LIPJ: variants seen among roughly 807,000 people sequenced by gnomAD.
LIPJ encodes the protein lipase family member J.
LIPJ carries 33 observed loss-of-function variants against 39.8 expected under a neutral mutation model. The observed-to-expected ratio is 0.83, with a 90% CI of 0.63 to 1.11. LIPJ has a LOEUF of 1.11. LIPJ is among the 50% of genes least tolerant of loss of function. The probability of loss-of-function intolerance (pLI) is 0.00; values close to 1 mark genes in which losing one functional copy is unlikely to be tolerated. For synonymous variants in LIPJ, 128 were observed against 139.2 expected (o/e 0.92, Z 0.57); for missense variants, 422 against 427.9 (o/e 0.99, Z 0.12).
At chr10:88,583,346 G>A, upstream of LIPJ, 1 of 1,403,916 alleles carries the variant, frequency 7.1e-7, no homozygotes, top group Non-Finnish European at 9.2e-7. Context: ...GCCTGCAGGG[G>A]GCGGAAAGGA....
chr10:88,594,463 T>C (rs1218868262), intron 5 of LIPJ, among the ~76,000 whole-genome samples: 2 of 151,884 alleles, frequency 1.3e-5, no homozygotes, highest in African/African-American at 4.8e-5. Context: ...AAACACCCTC[T>C]TTATAAGACT....
chr10:88,583,509 C>G, upstream of LIPJ: 1 of 1,194,508 alleles, frequency 8.4e-7, no homozygotes, highest in Non-Finnish European at 1.0e-6. Context: ...TGGGAGAACC[C>G]GCCTCGCAAC....
At chr10:88,619,899 T>C in the LIPJ span, among the ~76,000 whole-genome samples, 1 of 151,908 alleles carries the variant, frequency 6.6e-6, no homozygotes, top group Non-Finnish European at 1.5e-5. Flanking sequence ...AAAGAAAGGA[T>C]AAATTAGATT....
upstream of LIPJ, chr10:88,583,062 A>G (rs1267631353): frequency 5.0e-6 from 8 of 1,608,136 alleles, no homozygotes; most frequent in South Asian, 1.1e-5. Flanking sequence ...TTTGGCGTTT[A>G]GACAACCCAC....
At chr10:88,616,357 C>T in the LIPJ span, among the ~76,000 whole-genome samples, 1 of 152,302 alleles carries the variant, frequency 6.6e-6, no homozygotes, top group Admixed American at 6.5e-5. Context: ...CATAAAAGTC[C>T]CTGGCCTGCG....
At chr10:88,585,971 A>G (rs1850899398), upstream of LIPJ, among the ~76,000 whole-genome samples, 1 of 152,178 alleles carries the variant, frequency 6.6e-6, no homozygotes, top group South Asian at 2.1e-4. Flanking sequence ...CTTTCGCTAA[A>G]CTGAATATCT....
At chr10:88,601,736 G>A (rs1262682923) in intron 8 of LIPJ, among the ~76,000 whole-genome samples, 1 of 152,004 alleles carries the variant, frequency 6.6e-6, no homozygotes, top group Non-Finnish European at 1.5e-5. Context: ...ATATTTGTGA[G>A]GCTTCTTAAA....
chr10:88,604,951 C>T (rs1482847113), intron 9 of LIPJ, among the ~76,000 whole-genome samples: 2 of 152,050 alleles, frequency 1.3e-5, no homozygotes, highest in Non-Finnish European at 2.9e-5. Flanking sequence ...AAAAGATTAA[C>T]AGGTCAGGTG....
intron 10 of LIPJ, among the ~76,000 whole-genome samples, chr10:88,605,938 G>A (rs1290594234): frequency 6.6e-6 from 1 of 152,112 alleles, no homozygotes; most frequent in Non-Finnish European, 1.5e-5. Flanking sequence ...AAATTGACAG[G>A]CAGTAGAAGA....
intron 8 of LIPJ, among the ~76,000 whole-genome samples, chr10:88,600,780 A>G (rs1851446534): frequency 6.6e-6 from 1 of 152,076 alleles, no homozygotes; most frequent in South Asian, 2.1e-4. Flanking sequence ...TGTATAATGA[A>G]CAGAAATGTA....
At chr10:88,595,452 C>A (rs138685709) in intron 6 of LIPJ, among the ~76,000 whole-genome samples, 4 of 151,698 alleles carry the variant, frequency 2.6e-5, no homozygotes, top group African/African-American at 9.6e-5. Flanking sequence ...TAGAAATAAT[C>A]CACTTCCTAT....
chr10:88,607,015 G>GT, downstream of LIPJ: 10 of 1,246,718 alleles, frequency 8.0e-6, no homozygotes, highest in Middle Eastern at 6.0e-4. Context: ...TAAATATGTA[G>GT]TTTTTTCCTC....
intron 6 of LIPJ, 139 bp downstream of exon 6, chr10:88,594,915 C>T (rs1851206846): frequency 2.6e-6 from 1 of 380,692 alleles, no homozygotes; most frequent in South Asian, 1.0e-4. Context: ...AGCAGAATGC[C>T]CTGGAATCTT....
At chr10:88,614,136 G>A in the LIPJ span, among the ~76,000 whole-genome samples, 1 of 151,602 alleles carries the variant, frequency 6.6e-6, no homozygotes, top group Non-Finnish European at 1.5e-5. Context: ...ACGATAATTG[G>A]TTATTTGATG....
At chr10:88,596,628 C>G (rs1417965001) in intron 7 of LIPJ, among the ~76,000 whole-genome samples, 162 bp from the exon 8 acceptor site, 2 of 151,568 alleles carry the variant, frequency 1.3e-5, no homozygotes, top group Admixed American at 1.3e-4. Flanking sequence ...ATTCAGTGGC[C>G]AAACCATCTC....
chr10:88,607,712 C>A (rs1034212912), downstream of LIPJ, among the ~76,000 whole-genome samples: 1 of 152,148 alleles, frequency 6.6e-6, no homozygotes, highest in Non-Finnish European at 1.5e-5. Flanking sequence ...TCAATAAATG[C>A]AACACATATA....
At chr10:88,585,806 C>T (rs1850894069), upstream of LIPJ, 1 of 152,182 alleles carries the variant, frequency 6.6e-6, no homozygotes, top group Non-Finnish European at 1.5e-5. Flanking sequence ...GTTCTGCACC[C>T]AGCTTCTAGA....
chr10:88,605,565 T>C, intron 9 of LIPJ, 68 bp from the exon 10 acceptor site: 1 of 1,072,262 alleles, frequency 9.3e-7, no homozygotes, highest in Non-Finnish European at 1.4e-6. Context: ...ATGCATTGCA[T>C]GCTTAACTTG....
chr10:88,606,548 G>A, intron 10 of LIPJ, 126 bp from the exon 11 acceptor site: 1 of 575,344 alleles, frequency 1.7e-6, no homozygotes, highest in East Asian at 2.8e-5. Context: ...GATCCAGTAA[G>A]TTGAATCCAT....
Sources: allele counts gnomAD v4.1 joint callset (sites outside exome capture counted in the v4.1 genomes callset), GRCh38; gene constraint gnomAD v4.1.1; transcripts MANE v1.5; gene names NCBI Gene and HGNC (gene_info 2026-07-23, HGNC 2026-07-21).